Variants in CDH12 observed in about 807,000 individuals in gnomAD.
CDH12 encodes cadherin 12, also known as cadherin-12.
A neutral mutation model predicts 74.1 loss-of-function variants in CDH12; 41 were observed. The observed-to-expected ratio is 0.55, with a 90% CI of 0.43 to 0.72. CDH12 has a LOEUF of 0.72. CDH12 is among the 30% of genes least tolerant of loss of function. The pLI, the probability that CDH12 is intolerant of heterozygous loss-of-function variation, is 0.00. For synonymous variants in CDH12, 399 were observed against 355.0 expected, an observed-to-expected ratio of 1.12 and a Z score of -1.39; for missense variants, 945 against 977.2, an observed-to-expected ratio of 0.97 and a Z score of 0.44.
intron 1 of CDH12, among the ~76,000 whole-genome samples, chr5:22,624,861 G>A (rs527820266): frequency 7.9e-5 from 12 of 152,246 alleles, no homozygotes; most frequent in Non-Finnish European, 1.3e-4. Context: ...ACATGCACAC[G>A]TATGTTTATT....
At chr5:22,054,341 A>G (rs113731586) in intron 5 of CDH12, among the ~76,000 whole-genome samples, 2,965 of 152,250 alleles carry the variant, frequency 0.019, 100 homozygotes, top group African/African-American at 0.068. Context: ...TCACATTCAT[A>G]TATATAGATA....
chr5:22,231,091 A>G (rs1468003329), intron 3 of CDH12, among the ~76,000 whole-genome samples: 1 of 152,212 alleles, frequency 6.6e-6, no homozygotes, highest in Non-Finnish European at 1.5e-5. Flanking sequence ...ATTAAAAAAT[A>G]GAACCTATTT....
chr5:22,156,931 T>C (rs1394482197), intron 4 of CDH12, among the ~76,000 whole-genome samples: 1 of 152,194 alleles, frequency 6.6e-6, no homozygotes, highest in Non-Finnish European at 1.5e-5. Flanking sequence ...TCTGCTCTTT[T>C]TGTTTTCTTT....
At chr5:22,226,680 G>A (rs1243399331) in intron 3 of CDH12, among the ~76,000 whole-genome samples, 4 of 152,130 alleles carry the variant, frequency 2.6e-5, no homozygotes, top group East Asian at 1.9e-4. Flanking sequence ...TTGTAGTAAC[G>A]TGTTACACAG....
chr5:22,720,763 T>G (rs1186918609), intron 1 of CDH12, among the ~76,000 whole-genome samples: 1 of 152,164 alleles, frequency 6.6e-6, no homozygotes, highest in Non-Finnish European at 1.5e-5. Flanking sequence ...TGGTTGCAGA[T>G]GAAAATGAGG....
chr5:22,320,209 G>A (rs541885776), intron 3 of CDH12, among the ~76,000 whole-genome samples: 22 of 152,218 alleles, frequency 1.4e-4, no homozygotes, highest in African/African-American at 4.6e-4. Flanking sequence ...TGCCTGAGAA[G>A]GAAGCAGAAA....
At chr5:22,448,996 C>G (rs965580229) in intron 2 of CDH12, among the ~76,000 whole-genome samples, 3 of 151,496 alleles carry the variant, frequency 2.0e-5, no homozygotes, top group Non-Finnish European at 1.5e-5. Context: ...AAGCACAAAA[C>G]AAAAAGCAAA....
intron 2 of CDH12, among the ~76,000 whole-genome samples, chr5:22,489,757 G>A (rs553220421): frequency 1.2e-4 from 18 of 146,150 alleles, no homozygotes; most frequent in East Asian, 2.0e-4. Context: ...GCACAAATAC[G>A]GTTCATTGCA....
intron 2 of CDH12, among the ~76,000 whole-genome samples, chr5:22,452,926 C>A (rs994993458): frequency 7.5e-6 from 1 of 132,698 alleles, no homozygotes; most frequent in South Asian, 2.4e-4. Flanking sequence ...TGGACCAAAG[C>A]CCTTAATATA....
intron 2 of CDH12, among the ~76,000 whole-genome samples, chr5:22,427,385 C>T (rs1260026141): frequency 6.6e-6 from 1 of 152,134 alleles, no homozygotes; most frequent in East Asian, 1.9e-4. Flanking sequence ...CCAGGCTGGT[C>T]TTGATCTCTT....
chr5:22,158,247 A>G (rs1580339027), intron 4 of CDH12, among the ~76,000 whole-genome samples: 1 of 152,038 alleles, frequency 6.6e-6, no homozygotes, highest in East Asian at 1.9e-4. Flanking sequence ...AGCCCACCAT[A>G]TCTTGCAAAG....
chr5:22,453,259 G>A (rs1194491440), intron 2 of CDH12, among the ~76,000 whole-genome samples: 9 of 152,002 alleles, frequency 5.9e-5, no homozygotes, highest in South Asian at 2.1e-4. Flanking sequence ...AATGAGACCA[G>A]TATGTCAAAG....
chr5:22,110,536 T>C (rs1230494758), intron 4 of CDH12, among the ~76,000 whole-genome samples: 1 of 151,246 alleles, frequency 6.6e-6, no homozygotes, highest in African/African-American at 2.4e-5. Context: ...AATCATAGGG[T>C]TGTGGGAAAT....
rs146644291 is a variant in CDH12, at chr5:22,485,162, A to G, written c.-428+20108T>C. 3.7e-3 allele frequency among the ~76,000 whole-genome samples: 529 copies of G among 141,602 alleles called. 2 individuals are homozygous for G. The highest frequency in any genetic ancestry group is 0.014 in the African/African-American group (511 of 37,716). The allele number at this position is 141,602 out of a possible 152,430, so 92.9% of individuals were successfully genotyped here. On this transcript the variant is annotated intron_variant, in intron 2 of 14. Coordinates refer to ENST00000382254, the MANE Select transcript of CDH12 (RefSeq NM_004061.5). ...TATCTTATTTATGGAGAAATTTGGT[A>G]TACTGCACAAGCTTTTCTTTTCTTT...
chr5:22,061,624 T>G (rs897915399), intron 5 of CDH12, among the ~76,000 whole-genome samples: 2 of 152,130 alleles, frequency 1.3e-5, no homozygotes, highest in African/African-American at 4.8e-5. Flanking sequence ...TCTTATCACC[T>G]GGTATAATAT....
intron 2 of CDH12, among the ~76,000 whole-genome samples, chr5:22,464,204 G>C (rs986677462): frequency 1.3e-5 from 2 of 152,124 alleles, no homozygotes; most frequent in African/African-American, 4.8e-5. Flanking sequence ...GCTCCTCCTT[G>C]CCTTCCCTGA....
At chr5:22,583,300 C>A (rs920819590) in intron 1 of CDH12, among the ~76,000 whole-genome samples, 1 of 152,046 alleles carries the variant, frequency 6.6e-6, no homozygotes, top group African/African-American at 2.4e-5. Flanking sequence ...AGGAAAATAA[C>A]AAACACAAAA....
At chr5:22,039,412 G>T (rs138219757) in intron 5 of CDH12, among the ~76,000 whole-genome samples, 1 of 152,114 alleles carries the variant, frequency 6.6e-6, no homozygotes, top group East Asian at 1.9e-4. Flanking sequence ...GCCTCAGAGG[G>T]TGAACTTGCA....
At chr5:22,412,247 T>C (rs1191789406) in intron 2 of CDH12, among the ~76,000 whole-genome samples, 2 of 151,986 alleles carry the variant, frequency 1.3e-5, no homozygotes, top group East Asian at 3.9e-4. Context: ...CGAATGCCAA[T>C]CATCATATTC....
Sources: gnomAD v4.1 joint callset for allele counts (sites outside exome capture counted in the v4.1 genomes callset) on GRCh38, gnomAD v4.1.1 for gene constraint, MANE v1.5 for transcripts, NCBI Gene and HGNC (gene_info 2026-07-23, HGNC 2026-07-21) for gene names.